The following PYGO1 variants were observed in gnomAD, a reference collection of about 807,000 sequenced individuals.
PYGO1 encodes the protein pygopus family PHD finger 1.
A neutral mutation model predicts 29.5 loss-of-function variants in PYGO1; 6 were observed. The ratio of observed to expected loss-of-function variants is 0.20; its 90% CI spans 0.11 to 0.40. The LOEUF (loss-of-function observed/expected upper bound fraction) is 0.40, where lower values mean the gene tolerates loss of function less well. Ranked by LOEUF, PYGO1 falls within the 10% of genes least tolerant of loss-of-function variation. PYGO1 has a pLI of 1.00. For synonymous variants in PYGO1, 186 were observed against 180.5 expected, an observed-to-expected ratio of 1.03 and a Z score of -0.24; for missense variants, 515 against 514.9, an observed-to-expected ratio of 1.00 and a Z score of 0.00.
chr15:55,581,784 A>C (rs1371348745), intron 1 of PYGO1, among the ~76,000 whole-genome samples: 1 of 150,046 alleles, frequency 6.7e-6, no homozygotes, highest in Non-Finnish European at 1.5e-5. Flanking sequence ...AGCAATGTGG[A>C]AATGGATTAA....
Position 55,540,958 on chromosome 15 carries a change from CTT to C in PYGO1, c.*5063_*5064del, listed in dbSNP as rs2058825982. ...ACATCATGATAAGAAGCAGGACTTT[CTT>C]TTATAAAAGATAATATTTTGACAAA... On this transcript the variant is annotated 3_prime_UTR_variant, in exon 3 of 3. Coordinates refer to ENST00000563719, the MANE Select transcript of PYGO1 (RefSeq NM_001367806.1). 6.6e-6 allele frequency: 1 copy of C among 152,072 alleles called. No homozygotes were observed. Among genetic ancestry groups the C allele is most frequent in the African/African-American group, 2.4e-5 (1 of 41,412 alleles). 9.4% of individuals were successfully genotyped at this position (152,072 alleles called of 1,614,324 possible).
chr15:55,562,953 T>G (rs970529209), intron 1 of PYGO1, among the ~76,000 whole-genome samples: 3 of 151,634 alleles, frequency 2.0e-5, no homozygotes, highest in African/African-American at 7.3e-5. Flanking sequence ...TGAGAACACA[T>G]GGACACATTG....
At chr15:55,564,930 T>C (rs1567055723) in intron 1 of PYGO1, among the ~76,000 whole-genome samples, 1 of 152,150 alleles carries the variant, frequency 6.6e-6, no homozygotes, top group Non-Finnish European at 1.5e-5. Flanking sequence ...GGTTGTAGGA[T>C]TAACATCCTA....
intron 1 of PYGO1, among the ~76,000 whole-genome samples, chr15:55,562,732 C>T (rs2058938332): frequency 6.6e-6 from 1 of 151,524 alleles, no homozygotes. Context: ...ACAACAAAGA[C>T]ATGGAATCAA....
chr15:55,581,059 T>C (rs917014328), intron 1 of PYGO1, among the ~76,000 whole-genome samples: 1 of 152,184 alleles, frequency 6.6e-6, no homozygotes, highest in Non-Finnish European at 1.5e-5. Context: ...GAAACAATAT[T>C]TTTCTTTTGA....
intron 1 of PYGO1, among the ~76,000 whole-genome samples, chr15:55,573,079 G>T (rs891394612): frequency 2.6e-5 from 4 of 151,920 alleles, no homozygotes. Context: ...GGCTGAGGTG[G>T]GCGGATCACG....
upstream of PYGO1, chr15:55,588,703 G>C (rs2059061510): frequency 6.7e-6 from 9 of 1,344,274 alleles, no homozygotes; most frequent in East Asian, 2.4e-5. Context: ...CGACGCTACC[G>C]GGCCCAGCTT....
chr15:55,552,935 T>C (rs1463646615), intron 1 of PYGO1, among the ~76,000 whole-genome samples: 2 of 152,128 alleles, frequency 1.3e-5, no homozygotes, highest in Non-Finnish European at 2.9e-5. Context: ...CAAGTTAAGA[T>C]CCACTGACTT....
chr15:55,553,124 G>C (rs563948420), intron 1 of PYGO1, among the ~76,000 whole-genome samples: 2 of 152,308 alleles, frequency 1.3e-5, no homozygotes, highest in South Asian at 2.1e-4. Flanking sequence ...TGCTGTGCCA[G>C]ATCATGGCCA....
At chr15:55,571,855 A>G (rs2058981575) in intron 1 of PYGO1, among the ~76,000 whole-genome samples, 1 of 152,116 alleles carries the variant, frequency 6.6e-6, no homozygotes, top group Admixed American at 6.5e-5. Context: ...TTTTTATGTC[A>G]TATCTTTACT....
At chr15:55,566,878 G>A (rs1223545402) in intron 1 of PYGO1, among the ~76,000 whole-genome samples, 1 of 152,048 alleles carries the variant, frequency 6.6e-6, no homozygotes, top group African/African-American at 2.4e-5. Context: ...CTACAGGTGT[G>A]GGCTGCCATG....
At chr15:55,584,187 G>C (rs2059037166) in intron 1 of PYGO1, among the ~76,000 whole-genome samples, 1 of 147,850 alleles carries the variant, frequency 6.8e-6, no homozygotes, top group Admixed American at 6.9e-5. Flanking sequence ...TGCGATCTCA[G>C]CTCACTGCAG....
At chr15:55,562,283 T>C (rs560625668) in intron 1 of PYGO1, among the ~76,000 whole-genome samples, 1 of 152,348 alleles carries the variant, frequency 6.6e-6, no homozygotes, top group Non-Finnish European at 1.5e-5. Context: ...AGTGTGGTGA[T>C]TCCTCAAAGA....
At chr15:55,572,125 GA>G (rs2058982769) in intron 1 of PYGO1, among the ~76,000 whole-genome samples, 1 of 152,066 alleles carries the variant, frequency 6.6e-6, no homozygotes, top group Admixed American at 6.6e-5. Context: ...AAGCAATCTT[GA>G]CAAACAAGTG....
chr15:55,578,460 T>C (rs1217713716), intron 1 of PYGO1, among the ~76,000 whole-genome samples: 2 of 152,172 alleles, frequency 1.3e-5, no homozygotes, highest in African/African-American at 4.8e-5. Flanking sequence ...GGCTACATCA[T>C]TTTATATTTT....
intron 1 of PYGO1, among the ~76,000 whole-genome samples, chr15:55,554,732 A>G (rs891070300): frequency 2.6e-5 from 4 of 152,162 alleles, no homozygotes; most frequent in Non-Finnish European, 5.9e-5. Flanking sequence ...TGTAATTACA[A>G]GTGTCAACAG....
At chr15:55,587,338 C>G (rs541620085) in intron 1 of PYGO1, among the ~76,000 whole-genome samples, 1 of 148,952 alleles carries the variant, frequency 6.7e-6, no homozygotes, top group African/African-American at 2.5e-5. Context: ...CTTAAACCTA[C>G]GGAAAATAAA....
rs548058787 is a variant in PYGO1, at chr15:55,542,570, A to C, written c.*3453T>G. 11 of 152,344 alleles carry C rather than the reference A, an allele frequency of 7.2e-5. 1 individual carries two copies. Among genetic ancestry groups the C allele is most frequent in the Non-Finnish European group, 1.6e-4 (11 of 68,024 alleles). The allele number at this position is 152,344 out of a possible 1,614,324, so 9.4% of individuals were successfully genotyped here. ...AGTGAATCGAGTAACACCTAGAAGC[A>C]TGTGGACCACAAATTCTCTAGTGCA... On this transcript the variant is annotated 3_prime_UTR_variant, in exon 3 of 3. Coordinates refer to ENST00000563719, the MANE Select transcript of PYGO1 (RefSeq NM_001367806.1).
chr15:55,554,107 C>CA (rs939115586), intron 1 of PYGO1, among the ~76,000 whole-genome samples: 11 of 152,024 alleles, frequency 7.2e-5, no homozygotes, highest in African/African-American at 1.9e-4. Context: ...GCTTAAAACT[C>CA]AAAAAAACAG....
Sources: gnomAD v4.1 joint callset for allele counts (sites outside exome capture counted in the v4.1 genomes callset) on GRCh38, gnomAD v4.1.1 for gene constraint, MANE v1.5 for transcripts, NCBI Gene and HGNC (gene_info 2026-07-23, HGNC 2026-07-21) for gene names.